PRDM5: variants seen among roughly 807,000 people sequenced by gnomAD.
PRDM5 encodes PR domain zinc finger protein 5.
A neutral mutation model predicts 81.2 loss-of-function variants in PRDM5; 56 were observed. That is an observed-to-expected ratio of 0.69 (90% CI 0.56 to 0.86). The LOEUF is 0.86. Ranked by LOEUF, PRDM5 falls within the 40% of genes least tolerant of loss-of-function variation. The pLI, the probability that PRDM5 is intolerant of heterozygous loss-of-function variation, is 0.00. For missense variants in PRDM5, 697 were observed against 770.1 expected, an observed-to-expected ratio of 0.91 and a Z score of 1.12; for synonymous variants, 267 against 256.4, an observed-to-expected ratio of 1.04 and a Z score of -0.39.
intron 13 of PRDM5, among the ~76,000 whole-genome samples, chr4:120,757,314 C>G (rs1218459554): frequency 6.6e-6 from 1 of 152,180 alleles, no homozygotes; most frequent in East Asian, 1.9e-4. Context: ...CATCCTCCAT[C>G]CAGCTGTAAC....
At chr4:120,830,801 C>G (rs558375929) in intron 3 of PRDM5, among the ~76,000 whole-genome samples, 2 of 152,058 alleles carry the variant, frequency 1.3e-5, no homozygotes, top group African/African-American at 4.8e-5. Context: ...AGGGAGGAAA[C>G]AGTTTAGTAT....
chr4:120,919,877 T>C (rs969805484), intron 1 of PRDM5, among the ~76,000 whole-genome samples: 2 of 152,206 alleles, frequency 1.3e-5, no homozygotes, highest in African/African-American at 4.8e-5. Flanking sequence ...TGAACTCAGG[T>C]CTCCTTTTTC....
At chr4:120,879,017 C>A (rs895577474) in intron 2 of PRDM5, among the ~76,000 whole-genome samples, 3 of 152,136 alleles carry the variant, frequency 2.0e-5, no homozygotes, top group Admixed American at 2.0e-4. Flanking sequence ...ACCATGTGAT[C>A]CAGCAATCAC....
intron 2 of PRDM5, among the ~76,000 whole-genome samples, chr4:120,860,631 A>G (rs534315584): frequency 6.6e-6 from 1 of 152,216 alleles, no homozygotes; most frequent in East Asian, 1.9e-4. Flanking sequence ...AAAAAAGAAT[A>G]AAGTTGAGTT....
chr4:120,822,242 G>C (rs370260633), intron 3 of PRDM5, among the ~76,000 whole-genome samples: 1 of 152,210 alleles, frequency 6.6e-6, no homozygotes, highest in South Asian at 2.1e-4. Context: ...ACCCAGAATT[G>C]CTCTCTTTTA....
At chr4:120,791,228 T>C (rs751043241) in intron 10 of PRDM5, among the ~76,000 whole-genome samples, 1 of 152,204 alleles carries the variant, frequency 6.6e-6, no homozygotes, top group Non-Finnish European at 1.5e-5. Context: ...TTTAAAGTTT[T>C]ATATAAAAGG....
intron 1 of PRDM5, among the ~76,000 whole-genome samples, chr4:120,910,117 T>G (rs1049275934): frequency 1.3e-5 from 2 of 152,124 alleles, no homozygotes; most frequent in Admixed American, 6.5e-5. Context: ...ACAGAACTCA[T>G]TGATGGGCTG....
chr4:120,847,901 T>A (rs980794797), intron 3 of PRDM5, among the ~76,000 whole-genome samples: 2 of 152,110 alleles, frequency 1.3e-5, no homozygotes, highest in Non-Finnish European at 2.9e-5. Flanking sequence ...AAAGGTAACT[T>A]CCTCTATGGT....
intron 14 of PRDM5, among the ~76,000 whole-genome samples, chr4:120,743,222 G>C (rs375994717): frequency 0.02 from 2,939 of 144,698 alleles, 69 homozygotes; most frequent in African/African-American, 0.054. Context: ...TACAGACAAG[G>C]AAATGCTGAG....
chr4:120,846,929 G>A (rs774666410), intron 3 of PRDM5, among the ~76,000 whole-genome samples: 2 of 152,080 alleles, frequency 1.3e-5, no homozygotes, highest in Non-Finnish European at 2.9e-5. Context: ...GCCAGCAAAA[G>A]TCAGAGCCCG....
At chr4:120,911,656 T>C (rs898148850) in intron 1 of PRDM5, among the ~76,000 whole-genome samples, 3 of 152,204 alleles carry the variant, frequency 2.0e-5, no homozygotes, top group African/African-American at 7.2e-5. Context: ...GGAAAAGCAC[T>C]ATCTTCTAAG....
chr4:120,783,241 C>A (rs1302908597), intron 11 of PRDM5, among the ~76,000 whole-genome samples: 2 of 152,098 alleles, frequency 1.3e-5, no homozygotes, highest in East Asian at 3.8e-4. Flanking sequence ...TTTTCACTAA[C>A]TGATATCTAA....
At chr4:120,783,595 T>A (rs1463984140) in intron 11 of PRDM5, among the ~76,000 whole-genome samples, 1 of 152,160 alleles carries the variant, frequency 6.6e-6, no homozygotes, top group Non-Finnish European at 1.5e-5. Flanking sequence ...TCCAAATCTC[T>A]ATTCTAACAT....
At chr4:120,880,294 T>C (rs1255051622) in intron 2 of PRDM5, among the ~76,000 whole-genome samples, 1 of 152,148 alleles carries the variant, frequency 6.6e-6, no homozygotes, top group African/African-American at 2.4e-5. Flanking sequence ...GTTCACTTTC[T>C]CCATAAATAT....
chr4:120,845,461 T>A (rs1588523), intron 3 of PRDM5, among the ~76,000 whole-genome samples: 1 of 152,018 alleles, frequency 6.6e-6, no homozygotes, highest in East Asian at 1.9e-4. Context: ...ACTCTGCCTA[T>A]GTTTTATCGA....
At chr4:120,866,414 G>A (rs1561538831) in intron 2 of PRDM5, among the ~76,000 whole-genome samples, 1 of 152,208 alleles carries the variant, frequency 6.6e-6, no homozygotes, top group African/African-American at 2.4e-5. Context: ...TCTATGAAAA[G>A]TGAAACATGA....
Position 120,869,452 on chromosome 4 carries a change from T to C in PRDM5, c.178-15912A>G, listed in dbSNP as rs565825979. Among the ~76,000 whole-genome samples, 259 of 152,326 alleles carry C rather than the reference T, an allele frequency of 1.7e-3. 1 individual carries two copies. Among genetic ancestry groups the C allele is most frequent in the Middle Eastern group, 6.8e-3 (2 of 294 alleles). ...AGTTCATTGAATTCACTTTTTTACATTAAACATAAATTAGACCTACAATTG... is the reference window on the plus strand; with the variant it reads ...AGTTCATTGAATTCACTTTTTTACACTAAACATAAATTAGACCTACAATTG... On this transcript the variant is annotated intron_variant, in intron 2 of 15. Transcript: ENST00000264808.
chr4:120,787,085 A>T (rs1749863394), intron 10 of PRDM5, among the ~76,000 whole-genome samples: 1 of 152,218 alleles, frequency 6.6e-6, no homozygotes, highest in Non-Finnish European at 1.5e-5. Flanking sequence ...GATAAATGTG[A>T]TGGAGAAAAA....
chr4:120,798,205 TA>T, intron 10 of PRDM5, 61 bp downstream of exon 10: 1 of 1,302,230 alleles, frequency 7.7e-7, no homozygotes, highest in Non-Finnish European at 1.0e-6. Flanking sequence ...TTATCAAAAA[TA>T]AAAATTGAAA....
Sources: allele counts gnomAD v4.1 joint callset (sites outside exome capture counted in the v4.1 genomes callset), GRCh38; gene constraint gnomAD v4.1.1; transcripts MANE v1.5; gene names NCBI Gene and HGNC (gene_info 2026-07-23, HGNC 2026-07-21).